The following WDR17 variants were observed in gnomAD, a reference collection of about 807,000 sequenced individuals.
WDR17 encodes WD repeat-containing protein 17.
In WDR17, 143 loss-of-function variants were observed where a neutral mutation model predicts 161.7. The observed-to-expected ratio is 0.88, with a 90% CI of 0.77 to 1.02. The LOEUF (loss-of-function observed/expected upper bound fraction) is 1.02. WDR17 is among the 50% of genes least tolerant of loss of function. The pLI is 0.00. For synonymous variants in WDR17, 517 were observed against 515.6 expected, an observed-to-expected ratio of 1.00 and a Z score of -0.04; for missense variants, 1,469 against 1,520.9, an observed-to-expected ratio of 0.97 and a Z score of 0.57.
intron 9 of WDR17, among the ~76,000 whole-genome samples, chr4:176,138,400 C>T (rs28737414): frequency 0.31 from 46,969 of 151,454 alleles, 7,676 homozygotes; most frequent in African/African-American, 0.41. Flanking sequence ...CTTGTAGTAG[C>T]GTAGCAAATG....
chr4:176,160,262 T>C, intron 19 of WDR17, 136 bp downstream of exon 19: 1 of 912,538 alleles, frequency 1.1e-6, no homozygotes. Context: ...CTCCCTGGCC[T>C]TCTTTCTCAA....
chr4:176,166,562 T>A (rs919195724), intron 22 of WDR17, among the ~76,000 whole-genome samples: 3 of 152,182 alleles, frequency 2.0e-5, no homozygotes, highest in African/African-American at 7.2e-5. Flanking sequence ...TGAAGGAAAT[T>A]AGCTGGCCTT....
At position 176,180,160 on chromosome 4, in the gene WDR17, T is replaced by A. The variant is rs1252917266; in HGVS notation, c.*581T>A. ...AATGGATACACATTCAAAATACTTTTAAAAAAAAGAAAATGTTACCAGTTT... is the reference window on the plus strand; with the variant it reads ...AATGGATACACATTCAAAATACTTTAAAAAAAAAGAAAATGTTACCAGTTT... On this transcript the variant is annotated 3_prime_UTR_variant, in exon 29 of 29. Transcript: ENST00000508596. 3.3e-5 allele frequency: 5 copies of A among 151,962 alleles called. No individual in the cohort carries two copies. The highest frequency in any genetic ancestry group is 3.8e-4 in the East Asian group (2 of 5,196). The allele number at this position is 151,962 out of a possible 1,614,324, so 9.4% of individuals were successfully genotyped here. A position where few individuals can be genotyped will look rare whatever the true frequency, so the allele number is the denominator to read the frequency against.
At chr4:176,107,203 A>C (rs1421496072) in intron 1 of WDR17, among the ~76,000 whole-genome samples, 2 of 151,946 alleles carry the variant, frequency 1.3e-5, no homozygotes, top group Non-Finnish European at 2.9e-5. Flanking sequence ...CAACATTATT[A>C]ATCTTTAGGG....
In WDR17 at chr4:176,182,380, AAT is replaced by A. The variant is rs1310256020; in HGVS notation, c.*2810_*2811del. 2 of 134,646 alleles carry A rather than the reference AAT, an allele frequency of 1.5e-5. No individual in the cohort carries two copies. The highest frequency in any genetic ancestry group is 3.1e-5 in the Non-Finnish European group (2 of 64,304). The allele number at this position is 134,646 out of a possible 1,614,324, so 8.3% of individuals were successfully genotyped here. ...TGTATATATATACATGTATGTATGA[AAT>A]ATATATATGTGCGTGTGTGTGTGTA... On this transcript the variant is annotated 3_prime_UTR_variant, in exon 29 of 29. Transcript: ENST00000508596. This position sits in a 1 kb window ranked among gnomAD's most constrained non-coding sequence, Gnocchi z 4.2.
intron 19 of WDR17, among the ~76,000 whole-genome samples, chr4:176,160,636 T>C (rs1470783803): frequency 6.6e-6 from 1 of 152,206 alleles, no homozygotes; most frequent in Non-Finnish European, 1.5e-5. Flanking sequence ...TTATTTTAGA[T>C]CTTTAAACAT....
intron 13 of WDR17, 39 bp from the exon 14 acceptor site, chr4:176,149,768 A>T (rs756094374): frequency 6.3e-7 from 1 of 1,597,496 alleles, no homozygotes; most frequent in South Asian, 1.1e-5. Flanking sequence ...ATATTTTTCA[A>T]TGTTCACTTT....
intron 11 of WDR17, 43 bp from the exon 12 acceptor site, chr4:176,145,952 A>G: frequency 6.5e-7 from 1 of 1,544,736 alleles, no homozygotes; most frequent in Non-Finnish European, 8.9e-7. Context: ...TTAGTTATAT[A>G]TCATATTTAT....
intron 20 of WDR17, 115 bp downstream of exon 20, chr4:176,161,117 C>T: frequency 1.4e-6 from 1 of 700,280 alleles, no homozygotes; most frequent in Non-Finnish European, 2.2e-6. Flanking sequence ...ACTGCCTCAA[C>T]CGCATTCCTC....
intron 6 of WDR17, among the ~76,000 whole-genome samples, chr4:176,129,870 T>C (rs1743079096): frequency 1.3e-5 from 2 of 152,106 alleles, no homozygotes; most frequent in African/African-American, 4.8e-5. Context: ...TTTAGGGATG[T>C]TGGAATTTTT....
chr4:176,106,717 G>A (rs1738787013), intron 1 of WDR17, among the ~76,000 whole-genome samples: 1 of 152,190 alleles, frequency 6.6e-6, no homozygotes, highest in South Asian at 2.1e-4. Flanking sequence ...ACTTTGGGAG[G>A]CTGAGGCAGG....
At chr4:176,083,536 A>G (rs1579002953) in intron 1 of WDR17, among the ~76,000 whole-genome samples, 1 of 152,216 alleles carries the variant, frequency 6.6e-6, no homozygotes, top group East Asian at 1.9e-4. Flanking sequence ...GTTGTTACTT[A>G]TTCTCATTAT....
intron 4 of WDR17, among the ~76,000 whole-genome samples, chr4:176,124,027 A>T (rs1742035931): frequency 6.6e-6 from 1 of 152,212 alleles, no homozygotes; most frequent in South Asian, 2.1e-4. Context: ...AACCAAACAT[A>T]TATTTTACGA....
intron 19 of WDR17, 61 bp downstream of exon 19, chr4:176,160,187 G>C: frequency 6.3e-7 from 1 of 1,585,124 alleles, no homozygotes; most frequent in Non-Finnish European, 8.6e-7. Flanking sequence ...GAAGGGAGAA[G>C]GTTGTGTTGA....
At chr4:176,167,672 A>AC (rs1750073727) in intron 22 of WDR17, among the ~76,000 whole-genome samples, 3 of 150,720 alleles carry the variant, frequency 2.0e-5, no homozygotes, top group Non-Finnish European at 4.4e-5. Flanking sequence ...AAAAAAAAAA[A>AC]CAATATCTTG....
chr4:176,116,513 T>C (rs1466776696), intron 3 of WDR17, among the ~76,000 whole-genome samples: 1 of 151,910 alleles, frequency 6.6e-6, no homozygotes, highest in East Asian at 1.9e-4. Context: ...GCATTTAATC[T>C]TATCCCATCA....
At chr4:176,149,098 C>A (rs917125833) in intron 13 of WDR17, among the ~76,000 whole-genome samples, 2 of 152,146 alleles carry the variant, frequency 1.3e-5, no homozygotes, top group African/African-American at 4.8e-5. Flanking sequence ...CATCTTTTAA[C>A]TAGAACGTCA....
chr4:176,124,372 A>G (rs1342511530), intron 4 of WDR17, among the ~76,000 whole-genome samples: 2 of 152,192 alleles, frequency 1.3e-5, no homozygotes, highest in African/African-American at 4.8e-5. Flanking sequence ...GCTTTATTTA[A>G]TTAGTCTTGT....
At chr4:176,171,169 G>A (rs1439827154) in intron 23 of WDR17, among the ~76,000 whole-genome samples, 1 of 152,212 alleles carries the variant, frequency 6.6e-6, no homozygotes, top group Non-Finnish European at 1.5e-5. Context: ...GTTGGGGACT[G>A]TCTGTAACAC....
Sources: gnomAD v4.1 joint callset for allele counts (sites outside exome capture counted in the v4.1 genomes callset) on GRCh38, gnomAD v4.1.1 for gene constraint, Gnocchi (gnomAD v3.1) non-coding constraint, MANE v1.5 for transcripts, NCBI Gene and HGNC (gene_info 2026-07-23, HGNC 2026-07-21) for gene names.